The following PDE4D variants were observed in gnomAD, a reference collection of about 807,000 sequenced individuals.
The protein encoded by PDE4D is phosphodiesterase 4D.
Under a neutral mutation model 87.4 loss-of-function variants are expected in PDE4D, and 24 were observed. The ratio of observed to expected loss-of-function variants is 0.27; its 90% CI spans 0.20 to 0.39. PDE4D has a LOEUF of 0.39. Among genes scored for constraint, PDE4D ranks in the 10% least tolerant of loss-of-function variants. The probability of loss-of-function intolerance (pLI) is 1.00; values close to 1 mark genes in which losing one functional copy is unlikely to be tolerated. For synonymous variants in PDE4D, 384 were observed against 383.2 expected (o/e 1.00, Z -0.02); for missense variants, 714 against 1,041.0 (o/e 0.69, Z 4.32).
chr5:59,725,262 A>G (rs561818593), intron 1 of PDE4D, among the ~76,000 whole-genome samples: 1 of 152,154 alleles, frequency 6.6e-6, no homozygotes, highest in South Asian at 2.1e-4. Context: ...TAGCCTTTGC[A>G]TTCTCCACAC....
chr5:59,471,298 G>A (rs1228718330), intron 1 of PDE4D, among the ~76,000 whole-genome samples: 4 of 152,152 alleles, frequency 2.6e-5, no homozygotes, highest in African/African-American at 7.2e-5. Context: ...AATTGCAGGT[G>A]AGCCTGTATT....
intron 1 of PDE4D, among the ~76,000 whole-genome samples, chr5:60,264,937 A>G (rs1750030703): frequency 6.6e-6 from 1 of 152,200 alleles, no homozygotes; most frequent in Non-Finnish European, 1.5e-5. Context: ...GCCAGGGAAC[A>G]CTGTGCTGGA....
chr5:59,665,876 G>A (rs1340938351), intron 1 of PDE4D, among the ~76,000 whole-genome samples: 1 of 152,188 alleles, frequency 6.6e-6, no homozygotes, highest in Non-Finnish European at 1.5e-5. Context: ...GCCCTCACCA[G>A]ACACCAAATC....
intron 1 of PDE4D, among the ~76,000 whole-genome samples, chr5:59,773,829 G>T (rs1032559375): frequency 6.6e-6 from 1 of 151,950 alleles, no homozygotes; most frequent in Non-Finnish European, 1.5e-5. Flanking sequence ...CTTTTATTAG[G>T]TACTGGGCTA....
intron 3 of PDE4D, among the ~76,000 whole-genome samples, chr5:59,911,436 G>T (rs998303752): frequency 6.6e-6 from 1 of 151,866 alleles, no homozygotes; most frequent in Non-Finnish European, 1.5e-5. Flanking sequence ...ATCTCCCACC[G>T]AACCAATCAG....
intron 1 of PDE4D, among the ~76,000 whole-genome samples, chr5:59,854,132 C>T (rs1250536170): frequency 1.3e-5 from 2 of 152,002 alleles, no homozygotes; most frequent in Non-Finnish European, 2.9e-5. Context: ...TATATCTTAA[C>T]CAAGATGAAA....
chr5:60,500,200 A>G lies in PDE4D; in HGVS notation n.70+21851T>C, dbSNP rs115321166. On this transcript the variant is annotated intron_variant and non_coding_transcript_variant, in intron 1 of 2. Transcript: ENST00000506510. Reference sequence around the variant, plus strand: ...ATACCTGTGGTCCCAGCTACTGGAGAGGCTGAGGAGAAAGGATCACTTGAA... The same window carrying G: ...ATACCTGTGGTCCCAGCTACTGGAGGGGCTGAGGAGAAAGGATCACTTGAA... 6.8e-3 allele frequency among the ~76,000 whole-genome samples: 1,036 copies of G among 152,154 alleles called. 10 individuals carry two copies. The highest frequency in any genetic ancestry group is 0.024 in the African/African-American group (997 of 41,490).
At chr5:60,149,042 T>G (rs1376442490) in intron 2 of PDE4D, among the ~76,000 whole-genome samples, 1 of 152,190 alleles carries the variant, frequency 6.6e-6, no homozygotes, top group Admixed American at 6.5e-5. Context: ...ATATGAGAGA[T>G]ATCTATGTTT....
intron 5 of PDE4D, among the ~76,000 whole-genome samples, chr5:59,117,234 G>A (rs1240924597): frequency 6.6e-6 from 1 of 151,842 alleles, no homozygotes; most frequent in African/African-American, 2.4e-5. Flanking sequence ...TCTATTCTGG[G>A]GTCTCACTGC....
intron 2 of PDE4D, among the ~76,000 whole-genome samples, chr5:60,035,787 T>C (rs1767729608): frequency 1.3e-5 from 2 of 152,130 alleles, no homozygotes; most frequent in Admixed American, 1.3e-4. Flanking sequence ...GTCTCAATAA[T>C]TGGATTGCCA....
At chr5:60,465,330 G>C (rs184026987) in intron 1 of PDE4D, among the ~76,000 whole-genome samples, 1 of 152,082 alleles carries the variant, frequency 6.6e-6, no homozygotes, top group African/African-American at 2.4e-5. Flanking sequence ...GTTTAAAAGT[G>C]AGACTAAATG....
intron 1 of PDE4D, among the ~76,000 whole-genome samples, chr5:59,346,830 G>A (rs1464016433): frequency 2.6e-5 from 4 of 152,176 alleles, no homozygotes; most frequent in African/African-American, 9.6e-5. Context: ...GGAAAGTTAG[G>A]AGGGAAAATA....
chr5:59,481,991 T>C (rs1804350772), intron 1 of PDE4D, among the ~76,000 whole-genome samples: 2 of 152,030 alleles, frequency 1.3e-5, no homozygotes. Context: ...AAAGCATGGT[T>C]TTTCTCTACA....
rs144568235 is a variant in PDE4D, at chr5:60,246,979, A to G, written c.-89-61292T>C. On this transcript the variant is annotated intron_variant, in intron 1 of 16. Transcript: ENST00000502484. ...AGTTGTGATTTTTCCATACTACACA[A>G]GTAGTACAAATTCAATTCCCAAACC... 6.1e-4 allele frequency among the ~76,000 whole-genome samples: 93 copies of G among 152,142 alleles called. 1 individual carries two copies. The East Asian group carries it at 0.013, about 22-fold the overall frequency.
intron 1 of PDE4D, among the ~76,000 whole-genome samples, chr5:60,221,397 T>C (rs970570560): frequency 6.6e-6 from 1 of 152,154 alleles, no homozygotes; most frequent in Non-Finnish European, 1.5e-5. Context: ...CCTTAGTTTC[T>C]CCTTTTAATA....
At chr5:59,354,787 T>C (rs935525147) in intron 1 of PDE4D, among the ~76,000 whole-genome samples, 2 of 152,094 alleles carry the variant, frequency 1.3e-5, no homozygotes, top group African/African-American at 4.8e-5. Flanking sequence ...TGATGCCAAA[T>C]AAGAAAGGGT....
intron 1 of PDE4D, among the ~76,000 whole-genome samples, chr5:59,660,095 G>A (rs1406110790): frequency 6.6e-6 from 1 of 152,028 alleles, no homozygotes; most frequent in Non-Finnish European, 1.5e-5. Context: ...TAAGGTACAA[G>A]AATCACTTGA....
Position 60,140,995 on chromosome 5 carries a change from G to T in PDE4D, c.42+44562C>A, listed in dbSNP as rs542733835. Among the ~76,000 whole-genome samples the T allele has an allele frequency of 2.6e-5, 4 of 152,308 alleles. No homozygotes were observed. In the South Asian group the frequency reaches 8.3e-4, roughly 32 times the overall value. On this transcript the variant is annotated intron_variant, in intron 2 of 16. Coordinates refer to the PDE4D transcript ENST00000502484. ...GGCAACTAAGCCCCTTGCGGGATTA[G>T]AACCCATCTAGAAAGCTACCAAGAA... is the stretch of plus-strand genomic sequence containing the variant.
intron 2 of PDE4D, among the ~76,000 whole-genome samples, chr5:60,033,363 A>G (rs1767452392): frequency 6.6e-6 from 1 of 152,184 alleles, no homozygotes; most frequent in Admixed American, 6.5e-5. Flanking sequence ...CAAAGAAAAG[A>G]TATTCAAACC....
Sources: allele counts gnomAD v4.1 joint callset (sites outside exome capture counted in the v4.1 genomes callset), GRCh38; gene constraint gnomAD v4.1.1; transcripts MANE v1.5; gene names NCBI Gene and HGNC (gene_info 2026-07-23, HGNC 2026-07-21).